Variants in MAP3K5 observed in about 807,000 individuals in gnomAD.
The protein encoded by MAP3K5 is ASK-1.
Under a neutral mutation model 158.7 loss-of-function variants are expected in MAP3K5, and 56 were observed. The ratio of observed to expected loss-of-function variants is 0.35; its 90% confidence interval spans 0.28 to 0.44. The LOEUF is 0.44. Ranked by LOEUF, MAP3K5 falls within the 20% of genes least tolerant of loss-of-function variation. The pLI is 1.00. For synonymous variants in MAP3K5, 579 were observed against 601.7 expected (o/e 0.96, Z 0.55); for missense variants, 1,294 against 1,674.8 (o/e 0.77, Z 3.97).
rs1209594163 is a variant in MAP3K5 at position 136,592,135 on chromosome 6, T to C, written c.3225+38A>G. 5 of 1,522,396 alleles carry C rather than the reference T, an allele frequency of 3.3e-6. No individual in the cohort carries two copies. The South Asian group carries it at 5.3e-5, about 16-fold the overall frequency. 94.3% of individuals were successfully genotyped at this position (1,522,396 alleles called of 1,614,324 possible). The stretch of plus-strand genomic sequence containing the variant: ...GCGGTTAGGACACAGATAAAATATG[T>C]AACCTTTGGGAAATGAAGCACCTGG... On this transcript the variant is annotated intron_variant, in intron 23 of 29. Coordinates refer to ENST00000359015, the MANE Select transcript of MAP3K5 (RefSeq NM_005923.4).
chr6:136,785,010 T>G (rs1433063712), intron 1 of MAP3K5, among the ~76,000 whole-genome samples: 1 of 152,100 alleles, frequency 6.6e-6, no homozygotes, highest in Non-Finnish European at 1.5e-5. Context: ...TTTTAACTGG[T>G]TCGTGGGAAC....
intron 15 of MAP3K5, among the ~76,000 whole-genome samples, chr6:136,621,666 G>T (rs571276721): frequency 5.3e-5 from 8 of 152,140 alleles, no homozygotes; most frequent in Non-Finnish European, 1.0e-4. Context: ...GCCCCCTTAG[G>T]TGAGACAGGA....
intron 21 of MAP3K5, among the ~76,000 whole-genome samples, chr6:136,596,025 A>G (rs913351304): frequency 7.9e-5 from 12 of 152,154 alleles, no homozygotes; most frequent in Admixed American, 7.2e-4. Flanking sequence ...GCAATTGGAT[A>G]TGAGTCTGGA....
chr6:136,583,793 C>T, intron 23 of MAP3K5, 53 bp from the exon 24 acceptor site: 5 of 1,518,786 alleles, frequency 3.3e-6, no homozygotes, highest in South Asian at 1.2e-5. Context: ...ATATACCTGC[C>T]ATGGTAATCC....
chr6:136,759,354 A>T (rs189750063), intron 1 of MAP3K5, among the ~76,000 whole-genome samples: 1 of 151,162 alleles, frequency 6.6e-6, no homozygotes, highest in African/African-American at 2.4e-5. Context: ...ATAAAAAGGC[A>T]AAAGTCAGTA....
intron 1 of MAP3K5, among the ~76,000 whole-genome samples, chr6:136,780,598 G>A (rs1234452830): frequency 6.6e-6 from 1 of 152,184 alleles, no homozygotes; most frequent in Non-Finnish European, 1.5e-5. Context: ...TGTGAAGAAT[G>A]CACTTTCTCA....
intron 23 of MAP3K5, among the ~76,000 whole-genome samples, chr6:136,590,579 C>T (rs1214584250): frequency 2.7e-5 from 4 of 149,654 alleles, no homozygotes; most frequent in African/African-American, 7.4e-5. Flanking sequence ...CTCCCTCTGT[C>T]GCCCAGGCTG....
Position 136,787,030 on chromosome 6 carries a change from C to T in MAP3K5, c.448+4680G>A, listed in dbSNP as rs573362279. Among the ~76,000 whole-genome samples, 10 of 152,194 alleles carry T rather than the reference C, an allele frequency of 6.6e-5. No homozygotes were observed. In the East Asian group the frequency reaches 1.5e-3, roughly 24 times the overall value. ...TGAGACCTTCATTAGGCTCTCCTTG[C>T]TTACCCTGCCATTTCACTTCAGGTG... is the stretch of plus-strand genomic sequence containing the variant. On this transcript the variant is annotated intron_variant, in intron 1 of 29. Transcript: ENST00000359015.
chr6:136,736,130 T>C (rs1056699967), intron 1 of MAP3K5, among the ~76,000 whole-genome samples: 2 of 152,322 alleles, frequency 1.3e-5, no homozygotes, highest in South Asian at 4.1e-4. Flanking sequence ...TTTCCTCTTG[T>C]AATTATGGCT....
At chr6:136,749,612 G>A (rs529206335) in intron 1 of MAP3K5, among the ~76,000 whole-genome samples, 1 of 151,982 alleles carries the variant, frequency 6.6e-6, no homozygotes, top group South Asian at 2.1e-4. Flanking sequence ...TGCCTCCTAC[G>A]AGATTTCCTG....
chr6:136,706,054 T>C lies in MAP3K5; in HGVS notation c.589-921A>G, dbSNP rs186961434. Among the ~76,000 whole-genome samples, 1,045 of 152,218 alleles carry C rather than the reference T, an allele frequency of 6.9e-3. 7 individuals carry two copies. The highest frequency in any genetic ancestry group is 0.022 in the African/African-American group (917 of 41,520). On this transcript the variant is annotated intron_variant, in intron 2 of 29. Coordinates refer to ENST00000359015, the MANE Select transcript of MAP3K5 (RefSeq NM_005923.4). The stretch of plus-strand genomic sequence containing the variant: ...AGGTGGATCACCTGAGGTCATGAGC[T>C]CGAGACCAGCCTGGCCAACATGGTG...
intron 7 of MAP3K5, among the ~76,000 whole-genome samples, chr6:136,672,989 C>CAAAAAAAAAAAAAAAAACAAAAAAA (rs538682132): frequency 1.2e-5 from 1 of 83,988 alleles, no homozygotes; most frequent in Admixed American, 1.3e-4. Context: ...GACTCTATCT[C>CAAAAAAAAAAAAAAAAACAAAAAAA]AAAAAAAAAA....
intron 11 of MAP3K5, 142 bp downstream of exon 11, chr6:136,650,842 G>C (rs555564874): frequency 2.2e-6 from 1 of 458,538 alleles, no homozygotes; most frequent in Non-Finnish European, 3.9e-6. Context: ...TTTATAATAC[G>C]GAATGCATTT....
chr6:136,605,769 A>C (rs1190453039), intron 18 of MAP3K5, among the ~76,000 whole-genome samples: 1 of 152,252 alleles, frequency 6.6e-6, no homozygotes, highest in Admixed American at 6.5e-5. Flanking sequence ...CTTTTCCAGA[A>C]GAGAATATAG....
Position 136,603,171 on chromosome 6 carries a change from A to T in MAP3K5, c.2680-1192T>A, listed in dbSNP as rs115373038. Reference sequence around the variant, plus strand: ...ACTCCTCAAAAAGCTCTTATTATACAGGTACTTTTTTTTTTTTTTTAAGAT... The same window carrying T: ...ACTCCTCAAAAAGCTCTTATTATACTGGTACTTTTTTTTTTTTTTTAAGAT... On this transcript the variant is annotated intron_variant, in intron 19 of 29. Coordinates refer to ENST00000359015, the MANE Select transcript of MAP3K5 (RefSeq NM_005923.4). 4.8e-3 allele frequency among the ~76,000 whole-genome samples: 726 copies of T among 150,782 alleles called. 6 individuals carry two copies. The highest frequency in any genetic ancestry group is 0.017 in the African/African-American group (696 of 41,162).
At chr6:136,583,861 C>G in intron 23 of MAP3K5, 121 bp from the exon 24 acceptor site, 1 of 843,604 alleles carries the variant, frequency 1.2e-6, no homozygotes, top group Non-Finnish European at 1.8e-6. Context: ...CAAGGTCTCA[C>G]TATATTGCCC....
intron 2 of MAP3K5, among the ~76,000 whole-genome samples, chr6:136,711,017 A>G (rs75234592): frequency 0.019 from 2,965 of 152,236 alleles, 97 homozygotes; most frequent in African/African-American, 0.068. Flanking sequence ...ACACCCCCGT[A>G]CCCTTTCTGC....
intron 12 of MAP3K5, among the ~76,000 whole-genome samples, chr6:136,642,024 T>TA (rs1301629869): frequency 9.4e-6 from 1 of 106,170 alleles, no homozygotes; most frequent in East Asian, 2.4e-4. Context: ...ATAAATAAAA[T>TA]AAAATAAAAA....
chr6:136,648,461 C>T (rs76261149), intron 11 of MAP3K5, among the ~76,000 whole-genome samples: 2 of 152,052 alleles, frequency 1.3e-5, no homozygotes, highest in African/African-American at 2.4e-5. Context: ...AGATGCTGCT[C>T]GGTATTGCTC....
Sources: allele counts gnomAD v4.1 joint callset (sites outside exome capture counted in the v4.1 genomes callset), GRCh38; gene constraint gnomAD v4.1.1; transcripts MANE v1.5; gene names NCBI Gene and HGNC (gene_info 2026-07-23, HGNC 2026-07-21).